The following ADGRG1 variants were observed in gnomAD, a reference collection of about 807,000 sequenced individuals.
ADGRG1 encodes adhesion G protein-coupled receptor G1.
ADGRG1 carries 53 observed loss-of-function variants against 73.5 expected under a neutral mutation model. The observed-to-expected ratio is 0.72, with a 90% CI of 0.58 to 0.91. ADGRG1 has a LOEUF of 0.91. Among genes scored for constraint, ADGRG1 ranks in the 40% least tolerant of loss-of-function variants. The probability of loss-of-function intolerance (pLI) is 0.00; values close to 1 mark genes in which losing one functional copy is unlikely to be tolerated. For missense variants in ADGRG1, 795 were observed against 871.8 expected, an observed-to-expected ratio of 0.91 and a Z score of 1.11; for synonymous variants, 394 against 374.4, an observed-to-expected ratio of 1.05 and a Z score of -0.60.
rs776861168 is a variant in ADGRG1, at chr16:57,656,528, C to T, written c.1078C>T (p.His360Tyr). Reference sequence around the variant, plus strand: ...CCCCTCCTCAGTGAGCAGCCCGGGGCATTGGAGCAGTGCTGGGTGTGAGAC... The same window carrying T: ...CCCCTCCTCAGTGAGCAGCCCGGGGTATTGGAGCAGTGCTGGGTGTGAGAC... ...VEDPTLSSPGHWSSAGCETVR... is the reference protein window; with the variant it reads ...VEDPTLSSPGYWSSAGCETVR... Residue 360 changes from histidine (H) to tyrosine (Y), a missense_variant, in exon 9 of 14, where the codon CAT becomes TAT. Physicochemically the swap from His to Tyr is moderately conservative, Grantham distance 83. Coordinates refer to ENST00000562631, the MANE Select transcript of ADGRG1 (RefSeq NM_201525.4). The T allele has an allele frequency of 4.3e-6, 7 of 1,613,044 alleles. No homozygotes were observed. The South Asian group carries it at 7.7e-5, about 18-fold the overall frequency.
rs1423932535 is a variant in ADGRG1, at chr16:57,660,604, G to A, written c.1556-164G>A. 5 of 937,122 alleles carry A rather than the reference G, an allele frequency of 5.3e-6. No homozygotes were observed. The South Asian group carries it at 1.5e-4, about 28-fold the overall frequency. 58.1% of individuals were successfully genotyped at this position (937,122 alleles called of 1,614,324 possible). On this transcript the variant is annotated intron_variant, in intron 11 of 13. Transcript: ENST00000562631. The stretch of plus-strand genomic sequence containing the variant: ...GGAAACCCATACTGGAATGGGGAGG[G>A]GGAGGGTCCAAACTTGGGGGAACTT...
chr16:57,643,419 C>T (rs2041352748), intron 1 of ADGRG1: 1 of 267,176 alleles, frequency 3.7e-6, no homozygotes, highest in African/African-American at 2.3e-5. Flanking sequence ...CCTTCCCTCT[C>T]AGGCTGGCAG....
chr16:57,645,173 C>T, intron 1 of ADGRG1: 3 of 985,446 alleles, frequency 3.0e-6, no homozygotes, highest in Non-Finnish European at 3.6e-6. Flanking sequence ...AGTGTCGTGC[C>T]CCAGCAGCCC....
upstream of ADGRG1, among the ~76,000 whole-genome samples, chr16:57,620,461 C>T (rs1460349646): frequency 6.6e-6 from 1 of 152,186 alleles, no homozygotes; most frequent in African/African-American, 2.4e-5. Flanking sequence ...CGCCGCGGAG[C>T]CTGAGCATGG....
rs1597466617 is a variant in ADGRG1 at position 57,651,667 on chromosome 16, G to C, written c.487+45G>C. On this transcript the variant is annotated intron_variant, in intron 3 of 13. Coordinates refer to ENST00000562631, the MANE Select transcript of ADGRG1 (RefSeq NM_201525.4). ...GAGGGAACAACTGGGCAGTGGTCTA[G>C]AGGCAGGGAAGGCAAAATGCAAAGT... 5 of 1,586,530 alleles carry C rather than the reference G, an allele frequency of 3.2e-6. No homozygotes were observed. The East Asian group carries it at 1.1e-4, about 36-fold the overall frequency.
rs574824403 is a variant in ADGRG1 at position 57,660,414 on chromosome 16, C to T, written c.1556-354C>T. On this transcript the variant is annotated intron_variant, in intron 11 of 13. Coordinates refer to ENST00000562631, the MANE Select transcript of ADGRG1 (RefSeq NM_201525.4). ...GGGCGAGGTCAAGGCCCAGTGCAGA[C>T]GTCCCCTGATGGCAGAACTCTTGCC... The T allele has an allele frequency of 1.7e-5, 17 of 981,458 alleles. No individual in the cohort carries two copies. In the East Asian group the frequency reaches 8.0e-4, roughly 46 times the overall value. 60.8% of individuals were successfully genotyped at this position (981,458 alleles called of 1,614,324 possible). A position where few individuals can be genotyped will look rare whatever the true frequency, so the allele number is the denominator to read the frequency against.
At chr16:57,653,051 G>T (rs933527270) in intron 3 of ADGRG1, 152 bp from the exon 4 acceptor site, 6 of 1,529,496 alleles carry the variant, frequency 3.9e-6, no homozygotes, top group Non-Finnish European at 5.3e-6. Flanking sequence ...GGCCTTGGCA[G>T]AGTCCACTCT....
chr16:57,657,984 C>T lies in ADGRG1; in HGVS notation c.1286+493C>T, dbSNP rs2046164743. Among the ~76,000 whole-genome samples the T allele has an allele frequency of 2.0e-5, 3 of 152,168 alleles. No homozygotes were observed. In the South Asian group the frequency reaches 6.2e-4, roughly 32 times the overall value. ...CTCGAACTCCTGACCTCAAGTGATC[C>T]ACCCACCTCAGCCCCCCGAAGCGCT... On this transcript the variant is annotated intron_variant, in intron 10 of 13. Transcript: ENST00000562631.
rs116916635 is a variant in ADGRG1, at chr16:57,659,395, G to A, written c.1287-18G>A. 3 of 1,613,254 alleles carry A rather than the reference G, an allele frequency of 1.9e-6. No individual in the cohort carries two copies. Among genetic ancestry groups the A allele is most frequent in the East Asian group, 4.5e-5 (2 of 44,884 alleles). The stretch of plus-strand genomic sequence containing the variant: ...CTACCTTCCCACACTGGCCCACCAG[G>A]GTGCCCCTGCCGTGCAGGAGGAAAC... On this transcript the variant is annotated intron_variant, in intron 10 of 13. Coordinates refer to ENST00000562631, the MANE Select transcript of ADGRG1 (RefSeq NM_201525.4).
At chr16:57,661,189 C>G in intron 12 of ADGRG1, 1 of 661,172 alleles carries the variant, frequency 1.5e-6, no homozygotes, top group South Asian at 6.7e-5. Flanking sequence ...ACCTCTCTGT[C>G]TCCCCATGCA....
At chr16:57,624,099 AT>A (rs1222824106), upstream of ADGRG1, 1 of 558,264 alleles carries the variant, frequency 1.8e-6, no homozygotes, top group African/African-American at 2.0e-5. Context: ...GTTGGCCAAG[AT>A]TTATTGAGCA....
At chr16:57,651,685 T>C in intron 3 of ADGRG1, 63 bp downstream of exon 3, 3 of 1,551,128 alleles carry the variant, frequency 1.9e-6, no homozygotes, top group Non-Finnish European at 2.6e-6. Context: ...GAAGGCAAAA[T>C]GCAAAGTGGA....
rs529694502 is a variant in ADGRG1 at position 57,652,774 on chromosome 16, C to T, written c.488-429C>T. On this transcript the variant is annotated intron_variant, in intron 3 of 13. Transcript: ENST00000562631. The stretch of plus-strand genomic sequence containing the variant: ...AATCCCTGGAGACACCTTAGTCGGC[C>T]GCCTTAGTAGGCCGCCCACGCTACC... 1.7e-4 allele frequency: 177 copies of T among 1,055,694 alleles called. No individual in the cohort carries two copies. In the African/African-American group the frequency reaches 2.3e-3, roughly 14 times the overall value. The allele number at this position is 1,055,694 out of a possible 1,614,324, so 65.4% of individuals were successfully genotyped here.
intron 1 of ADGRG1, chr16:57,634,612 C>T (rs1374977515): frequency 2.8e-6 from 1 of 357,430 alleles, no homozygotes. Flanking sequence ...AGTCTCCTGC[C>T]TCTTAGCCTG....
chr16:57,632,508 C>T (rs1474866099), intron 1 of ADGRG1, among the ~76,000 whole-genome samples: 1 of 152,224 alleles, frequency 6.6e-6, no homozygotes, highest in Non-Finnish European at 1.5e-5. Context: ...TTTAATACCT[C>T]TCCCATTGGA....
At chr16:57,620,516 G>A (rs2034581637), upstream of ADGRG1, among the ~76,000 whole-genome samples, 1 of 152,194 alleles carries the variant, frequency 6.6e-6, no homozygotes, top group African/African-American at 2.4e-5. Flanking sequence ...CCTGCTTTCC[G>A]CAGCGCCCTG....
chr16:57,646,558 A>C, intron 1 of ADGRG1: 2 of 985,434 alleles, frequency 2.0e-6, no homozygotes, highest in Non-Finnish European at 2.4e-6. Flanking sequence ...CTTGGGCCTC[A>C]GCCCCAGCAC....
At chr16:57,645,104 C>A in intron 1 of ADGRG1, 1 of 985,220 alleles carries the variant, frequency 1.0e-6, no homozygotes, top group Middle Eastern at 5.2e-4. Flanking sequence ...AGGAGTTCAT[C>A]CTCACCCTGC....
chr16:57,663,344 A>C, intron 13 of ADGRG1, 108 bp from the exon 14 acceptor site: 2 of 1,555,054 alleles, frequency 1.3e-6, no homozygotes, highest in South Asian at 2.3e-5. Flanking sequence ...TGCTTGGCAA[A>C]CACTATGGAG....
Sources: allele counts gnomAD v4.1 joint callset (sites outside exome capture counted in the v4.1 genomes callset), GRCh38; gene constraint gnomAD v4.1.1; transcripts MANE v1.5; gene names NCBI Gene and HGNC (gene_info 2026-07-23, HGNC 2026-07-21).